The following OTUD7A variants were observed in gnomAD, a reference collection of about 807,000 sequenced individuals.
The protein encoded by OTUD7A is OTU deubiquitinase 7A.
OTUD7A carries 12 observed loss-of-function variants against 65.7 expected under a neutral mutation model. The ratio of observed to expected loss-of-function variants is 0.18; its 90% CI spans 0.12 to 0.30. The LOEUF (loss-of-function observed/expected upper bound fraction) is 0.30. Among genes scored for constraint, OTUD7A ranks in the 10% least tolerant of loss-of-function variants. The probability of loss-of-function intolerance (pLI) is 1.00; values close to 1 mark genes in which losing one functional copy is unlikely to be tolerated. For missense variants in OTUD7A, 1,148 were observed against 1,304.8 expected, an observed-to-expected ratio of 0.88 and a Z score of 1.85; for synonymous variants, 641 against 586.3, an observed-to-expected ratio of 1.09 and a Z score of -1.35.
At chr15:31,605,208 G>A (rs1013946377) in intron 3 of OTUD7A, among the ~76,000 whole-genome samples, 4 of 152,032 alleles carry the variant, frequency 2.6e-5, no homozygotes, top group African/African-American at 9.7e-5. Context: ...GGAATGGGTG[G>A]TAAATATGTT....
chr15:31,690,584 A>C (rs1399836803), intron 1 of OTUD7A, among the ~76,000 whole-genome samples: 1 of 152,254 alleles, frequency 6.6e-6, no homozygotes, highest in African/African-American at 2.4e-5. Flanking sequence ...ACCAGAAATA[A>C]ATCCTCAAAT....
At chr15:31,841,685 A>C (rs1300044166) in intron 1 of OTUD7A, among the ~76,000 whole-genome samples, 1 of 152,178 alleles carries the variant, frequency 6.6e-6, no homozygotes, top group African/African-American at 2.4e-5. Flanking sequence ...TCTAAGAGTA[A>C]CTGCTTACTA....
intron 1 of OTUD7A, among the ~76,000 whole-genome samples, chr15:31,785,651 C>A (rs947926914): frequency 2.6e-5 from 4 of 152,198 alleles, no homozygotes; most frequent in South Asian, 4.1e-4. Flanking sequence ...GCAACCACTC[C>A]AGACTGTAAC....
At chr15:31,790,600 G>C (rs1895788194) in intron 1 of OTUD7A, among the ~76,000 whole-genome samples, 1 of 152,222 alleles carries the variant, frequency 6.6e-6, no homozygotes, top group Non-Finnish European at 1.5e-5. Flanking sequence ...CAGGGCACAA[G>C]TCCAACCTGG....
intron 1 of OTUD7A, among the ~76,000 whole-genome samples, chr15:31,689,776 G>C (rs964266979): frequency 2.3e-4 from 35 of 152,302 alleles, no homozygotes; most frequent in African/African-American, 7.5e-4. Flanking sequence ...ACAGACGTGA[G>C]GGTGGGCTCA....
At chr15:31,780,827 C>T (rs1378055339) in intron 1 of OTUD7A, among the ~76,000 whole-genome samples, 3 of 152,210 alleles carry the variant, frequency 2.0e-5, no homozygotes, top group African/African-American at 7.2e-5. Flanking sequence ...GCTGGAGACG[C>T]TAGCCACTGC....
chr15:31,647,424 G>A (rs1891709368), intron 3 of OTUD7A, among the ~76,000 whole-genome samples: 1 of 152,246 alleles, frequency 6.6e-6, no homozygotes, highest in East Asian at 1.9e-4. Context: ...ACAAGCTGCA[G>A]CAGAAGTCCA....
intron 3 of OTUD7A, among the ~76,000 whole-genome samples, chr15:31,596,148 C>A (rs1419402429): frequency 6.6e-6 from 1 of 152,146 alleles, no homozygotes; most frequent in Non-Finnish European, 1.5e-5. Context: ...GGCTGAATGT[C>A]AGGGAACAGG....
chr15:31,510,192 C>T (rs530689775), intron 8 of OTUD7A, among the ~76,000 whole-genome samples: 1 of 152,104 alleles, frequency 6.6e-6, no homozygotes, highest in East Asian at 1.9e-4. Flanking sequence ...AGTCCTGGCC[C>T]AGGGCCATCA....
intron 1 of OTUD7A, among the ~76,000 whole-genome samples, chr15:31,699,204 C>T (rs567583111): frequency 1.7e-4 from 26 of 151,606 alleles, no homozygotes; most frequent in Non-Finnish European, 2.9e-4. Context: ...CTCAGCCTCC[C>T]GAGTAGCTGG....
chr15:31,597,655 G>A (rs905644719), intron 3 of OTUD7A, among the ~76,000 whole-genome samples: 1 of 152,152 alleles, frequency 6.6e-6, no homozygotes, highest in Non-Finnish European at 1.5e-5. Flanking sequence ...GGGCCTGCAA[G>A]CCCTCCAGCT....
chr15:31,637,660 AG>A (rs1891383964), intron 3 of OTUD7A, among the ~76,000 whole-genome samples: 2 of 152,256 alleles, frequency 1.3e-5, no homozygotes, highest in Non-Finnish European at 2.9e-5. Context: ...TCACAACTCT[AG>A]AAGTCAATAA....
chr15:31,750,239 C>G (rs1894594806), intron 1 of OTUD7A, among the ~76,000 whole-genome samples: 1 of 151,870 alleles, frequency 6.6e-6, no homozygotes, highest in Non-Finnish European at 1.5e-5. Context: ...GAAAGCCTGT[C>G]TCTACAAAAA....
intron 1 of OTUD7A, among the ~76,000 whole-genome samples, chr15:31,738,755 G>C (rs1595737508): frequency 6.6e-6 from 1 of 152,208 alleles, no homozygotes; most frequent in African/African-American, 2.4e-5. Flanking sequence ...TCTTGGGATA[G>C]TACGCAAAGG....
At chr15:31,659,047 ATAAATAAATAAATAAAT>A (rs1439341464) in intron 1 of OTUD7A, among the ~76,000 whole-genome samples, 1 of 89,354 alleles carries the variant, frequency 1.1e-5, no homozygotes, top group African/African-American at 5.7e-5. Context: ...GAATGAATAA[ATAAATAAATAAATAAAT>A]AAATAAATAA....
intron 1 of OTUD7A, among the ~76,000 whole-genome samples, chr15:31,751,844 G>A (rs146312714): frequency 6.6e-6 from 1 of 152,210 alleles, no homozygotes; most frequent in East Asian, 1.9e-4. Context: ...GCTAAATATT[G>A]GGTATGCACA....
At chr15:31,596,354 G>A (rs745969614) in intron 3 of OTUD7A, among the ~76,000 whole-genome samples, 3 of 152,132 alleles carry the variant, frequency 2.0e-5, no homozygotes, top group Non-Finnish European at 4.4e-5. Context: ...TCTACTGTGC[G>A]GATGCGCTGC....
At chr15:31,829,281 G>A (rs1896873165) in intron 1 of OTUD7A, among the ~76,000 whole-genome samples, 2 of 152,214 alleles carry the variant, frequency 1.3e-5, no homozygotes, top group Admixed American at 6.5e-5. Context: ...CAAATTCTCT[G>A]ACTCAAGCGT....
chr15:31,651,970 T>A, intron 3 of OTUD7A, among the ~76,000 whole-genome samples: 1 of 126,566 alleles, frequency 7.9e-6, no homozygotes, highest in Admixed American at 8.8e-5. Context: ...TAGATAGAGG[T>A]AAGCAGATCC....
Sources: allele counts gnomAD v4.1 joint callset (sites outside exome capture counted in the v4.1 genomes callset), GRCh38; gene constraint gnomAD v4.1.1; transcripts MANE v1.5; gene names NCBI Gene and HGNC (gene_info 2026-07-23, HGNC 2026-07-21).